Variants in FNIP2 observed in about 807,000 individuals in gnomAD.
FNIP2 encodes the protein folliculin-interacting protein 2.
A neutral mutation model predicts 108.7 loss-of-function variants in FNIP2; 32 were observed. The ratio of observed to expected loss-of-function variants is 0.29; its 90% CI spans 0.22 to 0.40. The LOEUF is 0.40. FNIP2 is among the 10% of genes least tolerant of loss of function. The probability of loss-of-function intolerance (pLI) is 1.00; values close to 1 mark genes in which losing one functional copy is unlikely to be tolerated. For missense variants in FNIP2, 1,202 were observed against 1,381.6 expected, an observed-to-expected ratio of 0.87 and a Z score of 2.06; for synonymous variants, 480 against 496.7, an observed-to-expected ratio of 0.97 and a Z score of 0.45.
At chr4:158,841,523 A>G (rs1779132778) in intron 7 of FNIP2, among the ~76,000 whole-genome samples, 2 of 152,184 alleles carry the variant, frequency 1.3e-5, no homozygotes. Flanking sequence ...TGTAGAGAGG[A>G]GCAAGAGCAA....
chr4:158,834,304 C>CTCTCTCTG (rs1778660026), intron 6 of FNIP2: 1 of 147,822 alleles, frequency 6.8e-6, no homozygotes, highest in Non-Finnish European at 1.5e-5. Context: ...CTCTCTCTCT[C>CTCTCTCTG]TCTCTCTCTC....
At chr4:158,788,521 G>A (rs1776298174) in intron 1 of FNIP2, among the ~76,000 whole-genome samples, 1 of 152,128 alleles carries the variant, frequency 6.6e-6, no homozygotes. Flanking sequence ...GGTTTTTGAT[G>A]GGTGATTTTA....
At chr4:158,897,883 T>C (rs996096906) in intron 16 of FNIP2, among the ~76,000 whole-genome samples, 6 of 152,258 alleles carry the variant, frequency 3.9e-5, no homozygotes, top group African/African-American at 9.6e-5. Flanking sequence ...TTACCATTGC[T>C]TTTGGTGTTT....
At chr4:158,783,602 G>T (rs1578818909) in intron 1 of FNIP2, among the ~76,000 whole-genome samples, 1 of 152,204 alleles carries the variant, frequency 6.6e-6, no homozygotes. Context: ...AAGCAGGCTT[G>T]ATCTTTTTTT....
intron 16 of FNIP2, among the ~76,000 whole-genome samples, chr4:158,899,021 A>G (rs1455121448): frequency 6.6e-6 from 1 of 152,186 alleles, no homozygotes; most frequent in Non-Finnish European, 1.5e-5. Context: ...CGTTCCCTCA[A>G]TACCTAGTTT....
chr4:158,906,737 A>G lies in FNIP2; in HGVS notation c.*2193A>G, dbSNP rs746901427. The G allele has an allele frequency of 1.3e-5, 2 of 152,136 alleles. No individual in the cohort carries two copies. Among genetic ancestry groups the G allele is most frequent in the African/African-American group, 2.4e-5 (1 of 41,424 alleles). 9.4% of individuals were successfully genotyped at this position (152,136 alleles called of 1,614,324 possible). A position where few individuals can be genotyped will look rare whatever the true frequency, so the allele number is the denominator to read the frequency against. ...AGACCAAGAATGTTGCTGCTCTTTT[A>G]TAATCCTTTAAATATTTAACATTCA... On this transcript the variant is annotated 3_prime_UTR_variant, in exon 17 of 17. Transcript: ENST00000264433.
At chr4:158,886,231 T>C (rs151106362) in intron 14 of FNIP2, among the ~76,000 whole-genome samples, 1 of 152,330 alleles carries the variant, frequency 6.6e-6, no homozygotes, top group East Asian at 1.9e-4. Flanking sequence ...AAGGTAGAAA[T>C]GAATAAATGA....
intron 1 of FNIP2, among the ~76,000 whole-genome samples, chr4:158,823,694 A>G (rs1778008863): frequency 6.6e-6 from 1 of 152,130 alleles, no homozygotes; most frequent in African/African-American, 2.4e-5. Context: ...ACTTTCCTCC[A>G]CGCAGACTTT....
At chr4:158,862,710 T>G (rs1483068298) in intron 12 of FNIP2, among the ~76,000 whole-genome samples, 2 of 152,198 alleles carry the variant, frequency 1.3e-5, no homozygotes, top group African/African-American at 4.8e-5. Flanking sequence ...CCTGATTTGA[T>G]CATTACTCAG....
chr4:158,873,293 TTTCTAGACCTGTGCACAA>T, intron 14 of FNIP2, among the ~76,000 whole-genome samples: 1 of 152,368 alleles, frequency 6.6e-6, no homozygotes, highest in Admixed American at 6.5e-5. Context: ...ATTGATCTCT[TTTCTAGACCTGTGCACAA>T]TTTGGATTTA....
At chr4:158,849,736 T>G (rs1396921044) in intron 7 of FNIP2, among the ~76,000 whole-genome samples, 4 of 152,068 alleles carry the variant, frequency 2.6e-5, no homozygotes, top group African/African-American at 9.7e-5. Flanking sequence ...TTTGGGGATT[T>G]AAGTCTGGTC....
intron 1 of FNIP2, among the ~76,000 whole-genome samples, chr4:158,805,296 T>C (rs950340063): frequency 6.6e-6 from 1 of 152,226 alleles, no homozygotes; most frequent in East Asian, 1.9e-4. Context: ...TGTAAAGATT[T>C]GACCTGTATT....
intron 14 of FNIP2, among the ~76,000 whole-genome samples, chr4:158,889,128 G>T (rs948709159): frequency 1.3e-5 from 2 of 152,058 alleles, no homozygotes; most frequent in Admixed American, 6.6e-5. Context: ...GGAGCTTGAG[G>T]TTACTATGAA....
intron 14 of FNIP2, among the ~76,000 whole-genome samples, chr4:158,883,390 C>T (rs1309683755): frequency 6.6e-6 from 1 of 152,060 alleles, no homozygotes; most frequent in Admixed American, 6.5e-5. Flanking sequence ...TACAGGCGCC[C>T]GCCACTATGC....
chr4:158,862,698 G>T (rs1780362319), intron 12 of FNIP2, among the ~76,000 whole-genome samples: 1 of 152,150 alleles, frequency 6.6e-6, no homozygotes. Context: ...TATGCTAATT[G>T]CCCTGATTTG....
Position 158,822,174 on chromosome 4 carries a change from C to CTTT in FNIP2, c.108-3723_108-3721dup, listed in dbSNP as rs70962634. 9.8e-4 allele frequency among the ~76,000 whole-genome samples: 116 copies of CTTT among 118,164 alleles called. 1 individual carries two copies. Among genetic ancestry groups the CTTT allele is most frequent in the Non-Finnish European group, 1.4e-3 (80 of 57,106 alleles). The allele number at this position is 118,164 out of a possible 152,430, so 77.5% of individuals were successfully genotyped here. On this transcript the variant is annotated intron_variant, in intron 1 of 16. Coordinates refer to ENST00000264433, the MANE Select transcript of FNIP2 (RefSeq NM_020840.3). ...TATGTAAGAAGAATAGAGTTTTCCT[C>CTTT]TTTTTTTTTTTTTTTTTTTTTGAGA...
intron 1 of FNIP2, among the ~76,000 whole-genome samples, chr4:158,769,567 T>G (rs1312697903): frequency 6.6e-6 from 1 of 152,164 alleles, no homozygotes; most frequent in Non-Finnish European, 1.5e-5. Flanking sequence ...TCTCTTGTGT[T>G]CCTTGGGGTT....
intron 1 of FNIP2, among the ~76,000 whole-genome samples, chr4:158,783,305 T>C (rs922233245): frequency 1.3e-5 from 2 of 152,224 alleles, no homozygotes; most frequent in African/African-American, 2.4e-5. Flanking sequence ...CATAGTGTTT[T>C]AGACCTGTGC....
intron 8 of FNIP2, among the ~76,000 whole-genome samples, chr4:158,853,008 A>C (rs1779784460): frequency 1.3e-5 from 2 of 152,210 alleles, no homozygotes; most frequent in South Asian, 4.1e-4. Flanking sequence ...TATTAAAGGG[A>C]CTAAAAAGAA....
Sources: gnomAD v4.1 joint callset for allele counts (sites outside exome capture counted in the v4.1 genomes callset) on GRCh38, gnomAD v4.1.1 for gene constraint, MANE v1.5 for transcripts, NCBI Gene and HGNC (gene_info 2026-07-23, HGNC 2026-07-21) for gene names.